Variants in PSMA6 observed in about 807,000 individuals in gnomAD.
The protein encoded by PSMA6 is proteasome subunit alpha type-6.
For missense variants in PSMA6, 170 were observed against 294.8 expected, an observed-to-expected ratio of 0.58 and a Z score of 3.10; for synonymous variants, 88 against 97.7, an observed-to-expected ratio of 0.90 and a Z score of 0.59.
intron 1 of PSMA6, 186 bp downstream of exon 1, chr14:35,292,738 G>T (rs2051510061): frequency 1.8e-6 from 2 of 1,115,194 alleles, no homozygotes; most frequent in Non-Finnish European, 1.2e-6. Flanking sequence ...GGGATCGGGG[G>T]CCTGAAGGCC....
chr14:35,314,137 A>T, intron 5 of PSMA6: 1 of 285,114 alleles, frequency 3.5e-6, no homozygotes, highest in Non-Finnish European at 6.3e-6. Context: ...TGTATAAATC[A>T]TCCTATTTTA....
chr14:35,298,463 C>G (rs926083804), intron 1 of PSMA6, among the ~76,000 whole-genome samples: 2 of 151,402 alleles, frequency 1.3e-5, no homozygotes, highest in African/African-American at 4.9e-5. Flanking sequence ...GCACTCTAGC[C>G]TGGGCAACAA....
chr14:35,316,974 C>A (rs1363915782), intron 6 of PSMA6: 2 of 310,798 alleles, frequency 6.4e-6, no homozygotes, highest in African/African-American at 2.2e-5. Context: ...TTAGCTGCAA[C>A]TAAAGAATTT....
At chr14:35,304,582 T>C (rs1166810630) in intron 1 of PSMA6, among the ~76,000 whole-genome samples, 2 of 151,986 alleles carry the variant, frequency 1.3e-5, no homozygotes, top group Admixed American at 6.6e-5. Context: ...ATACAAAAAT[T>C]AGCTGGGCGT....
At chr14:35,292,195 C>T, upstream of PSMA6, 1 of 726,190 alleles carries the variant, frequency 1.4e-6, no homozygotes, top group South Asian at 3.4e-5. Context: ...AGCCTGAAAG[C>T]GCCACGACCC....
intron 1 of PSMA6, among the ~76,000 whole-genome samples, chr14:35,303,462 G>A (rs934609210): frequency 1.3e-5 from 2 of 152,156 alleles, no homozygotes; most frequent in Non-Finnish European, 2.9e-5. Flanking sequence ...TGAGTTTTCT[G>A]TGGGAGTTCA....
upstream of PSMA6, among the ~76,000 whole-genome samples, chr14:35,287,734 CAG>C (rs1312936524): frequency 3.3e-5 from 5 of 152,196 alleles, no homozygotes; most frequent in African/African-American, 1.2e-4. Context: ...GATGGCCCCA[CAG>C]AGAGGAAGAT....
At chr14:35,307,624 C>T (rs2051854861) in intron 1 of PSMA6, among the ~76,000 whole-genome samples, 1 of 152,050 alleles carries the variant, frequency 6.6e-6, no homozygotes, top group Admixed American at 6.6e-5. Context: ...ATCCCAGCTA[C>T]TTAGGAGGCT....
upstream of PSMA6, chr14:35,292,343 T>G: frequency 6.6e-7 from 1 of 1,512,324 alleles, no homozygotes; most frequent in Non-Finnish European, 8.8e-7. Flanking sequence ...GAGCCGTGAG[T>G]TCGGCATGCA....
intron 4 of PSMA6, among the ~76,000 whole-genome samples, chr14:35,311,279 G>GTC (rs2051939706): frequency 6.6e-6 from 1 of 152,168 alleles, no homozygotes; most frequent in African/African-American, 2.4e-5. Context: ...AAGAATTAGG[G>GTC]TCACACACAG....
intron 1 of PSMA6, among the ~76,000 whole-genome samples, chr14:35,304,623 G>T (rs1040554376): frequency 6.6e-6 from 1 of 151,836 alleles, no homozygotes; most frequent in South Asian, 2.1e-4. Flanking sequence ...CCAGCTACTC[G>T]GGAGGCTCAG....
At chr14:35,315,387 A>G (rs1223889411) in intron 6 of PSMA6, 1 of 151,206 alleles carries the variant, frequency 6.6e-6, no homozygotes, top group Non-Finnish European at 1.5e-5. Flanking sequence ...AGAAAAATTC[A>G]TAGGACTTTA....
chr14:35,310,988 GA>G, intron 4 of PSMA6, 93 bp downstream of exon 4: 2 of 1,290,886 alleles, frequency 1.5e-6, no homozygotes, highest in Non-Finnish European at 2.1e-6. Flanking sequence ...CTTGAGTTCT[GA>G]ACATGTGGTT....
Position 35,303,881 on chromosome 14 carries a change from T to A in PSMA6, c.77-4113T>A, listed in dbSNP as rs575869432. On this transcript the variant is annotated intron_variant, in intron 1 of 6. Coordinates refer to ENST00000261479, the MANE Select transcript of PSMA6 (RefSeq NM_002791.3). ...TTAGCATTTACATTGTATTAGCTAG[T>A]GTAGTGTAAGCTAGAGATAATTTCT... 2.0e-5 allele frequency among the ~76,000 whole-genome samples: 3 copies of A among 152,252 alleles called. No individual in the cohort carries two copies. In the South Asian group the frequency reaches 6.2e-4, roughly 32 times the overall value.
At chr14:35,286,134 C>G (rs2051419580) in intron 1 of PSMA6, among the ~76,000 whole-genome samples, 1 of 152,152 alleles carries the variant, frequency 6.6e-6, no homozygotes, top group Non-Finnish European at 1.5e-5. Context: ...GCATACTCAC[C>G]TGTTTGAGAG....
chr14:35,296,970 A>G lies in PSMA6; in HGVS notation c.76+4418A>G, dbSNP rs1343928486. 4.3e-5 allele frequency among the ~76,000 whole-genome samples: 6 copies of G among 139,856 alleles called. No individual in the cohort carries two copies. The South Asian group carries it at 1.6e-3, about 37-fold the overall frequency. The allele number at this position is 139,856 out of a possible 152,430, so 91.8% of individuals were successfully genotyped here. ...TCTCTTTCCCCCTCCCCCAGTGCCA[A>G]GATTTCTAATGACCCCACCCCCTTG... On this transcript the variant is annotated intron_variant, in intron 1 of 6. Coordinates refer to ENST00000261479, the MANE Select transcript of PSMA6 (RefSeq NM_002791.3).
chr14:35,296,252 T>C (rs2051584252), intron 1 of PSMA6, among the ~76,000 whole-genome samples: 1 of 152,192 alleles, frequency 6.6e-6, no homozygotes, highest in South Asian at 2.1e-4. Flanking sequence ...AGGATTTAAT[T>C]AGTTAATAAA....
upstream of PSMA6, among the ~76,000 whole-genome samples, chr14:35,290,172 G>A (rs1423508811): frequency 6.6e-6 from 1 of 152,178 alleles, no homozygotes; most frequent in African/African-American, 2.4e-5. Context: ...CAGTTCCAGA[G>A]AAGGGTCCAG....
intron 1 of PSMA6, among the ~76,000 whole-genome samples, chr14:35,295,222 ACCT>A (rs1466651087): frequency 6.6e-6 from 1 of 151,404 alleles, no homozygotes; most frequent in Non-Finnish European, 1.5e-5. Context: ...CTGTAGTCCT[ACCT>A]CCTCAGGAAG....
Sources: gnomAD v4.1 joint callset for allele counts (sites outside exome capture counted in the v4.1 genomes callset) on GRCh38, gnomAD v4.1.1 for gene constraint, MANE v1.5 for transcripts, NCBI Gene and HGNC (gene_info 2026-07-23, HGNC 2026-07-21) for gene names.